Variants in NEK11 observed in about 807,000 individuals in gnomAD.
The protein encoded by NEK11 is NIMA related kinase 11.
In NEK11, 72 loss-of-function variants were observed where a neutral mutation model predicts 80.7. The observed-to-expected ratio is 0.89, with a 90% CI of 0.74 to 1.08. The LOEUF is 1.08. Among genes scored for constraint, NEK11 ranks in the 50% least tolerant of loss-of-function variants. The pLI is 0.00. For missense variants in NEK11, 764 were observed against 763.6 expected, an observed-to-expected ratio of 1.00 and a Z score of -0.01; for synonymous variants, 251 against 260.7, an observed-to-expected ratio of 0.96 and a Z score of 0.36.
At chr3:131,300,364 G>A (rs1175686461) in intron 17 of NEK11, among the ~76,000 whole-genome samples, 2 of 152,108 alleles carry the variant, frequency 1.3e-5, no homozygotes, top group Non-Finnish European at 2.9e-5. Context: ...CTTTTGATGT[G>A]CAGAAGCTCT....
chr3:131,106,544 G>T (rs1366731899), intron 4 of NEK11, among the ~76,000 whole-genome samples: 3 of 152,026 alleles, frequency 2.0e-5, no homozygotes, highest in Non-Finnish European at 2.9e-5. Flanking sequence ...TTGTGCATCT[G>T]TATTATACTA....
At chr3:131,027,136 C>T (rs1220029568) in intron 1 of NEK11, 130 bp downstream of exon 1, 1 of 152,284 alleles carries the variant, frequency 6.6e-6, no homozygotes, top group Non-Finnish European at 1.5e-5. Flanking sequence ...CTTTCCTGGA[C>T]ATCTTACCTC....
chr3:131,267,516 C>T (rs752248462), intron 16 of NEK11, among the ~76,000 whole-genome samples: 12 of 152,250 alleles, frequency 7.9e-5, no homozygotes, highest in Non-Finnish European at 1.3e-4. Flanking sequence ...GAATATTGGC[C>T]CCCACTCTCT....
intron 17 of NEK11, chr3:131,325,933 T>C (rs1160426367): frequency 2.0e-5 from 3 of 152,236 alleles, no homozygotes; most frequent in African/African-American, 7.2e-5. Context: ...AGCAGTTTAC[T>C]CTGCAAATAA....
chr3:131,307,531 A>G (rs1254093298), intron 17 of NEK11, among the ~76,000 whole-genome samples: 2 of 152,234 alleles, frequency 1.3e-5, no homozygotes, highest in Non-Finnish European at 2.9e-5. Context: ...AAAATGCAAT[A>G]TATAGTAAGG....
chr3:131,336,152 C>T lies in NEK11; in HGVS notation c.1719-13405C>T, dbSNP rs570677042. On this transcript the variant is annotated intron_variant, in intron 17 of 17. Coordinates refer to ENST00000383366, the MANE Select transcript of NEK11 (RefSeq NM_024800.5). The stretch of plus-strand genomic sequence containing the variant: ...TCATATGGAACCAAAAAAGAGCCCG[C>T]ATCACCAAGTCAATCCTAAGCCAAA... 3.3e-5 allele frequency among the ~76,000 whole-genome samples: 5 copies of T among 152,260 alleles called. No individual in the cohort carries two copies. The South Asian group carries it at 6.2e-4, about 19-fold the overall frequency.
At chr3:131,033,564 C>T (rs1041314961) in intron 3 of NEK11, among the ~76,000 whole-genome samples, 1 of 152,158 alleles carries the variant, frequency 6.6e-6, no homozygotes, top group African/African-American at 2.4e-5. Context: ...TCATTATATA[C>T]ATTTCTATAT....
chr3:131,059,276 A>G (rs1472059150), intron 3 of NEK11, among the ~76,000 whole-genome samples: 3 of 152,180 alleles, frequency 2.0e-5, no homozygotes, highest in Non-Finnish European at 4.4e-5. Flanking sequence ...GTGTATGCAT[A>G]TGCCCAAACC....
At chr3:131,228,731 TA>T (rs2095267726) in intron 15 of NEK11, 43 bp downstream of exon 15, 1 of 1,569,630 alleles carries the variant, frequency 6.4e-7, no homozygotes, top group East Asian at 2.3e-5. Flanking sequence ...CTGTTCAAGG[TA>T]CTGATTGGAC....
chr3:131,220,267 AT>A (rs899620627), intron 14 of NEK11, among the ~76,000 whole-genome samples: 6 of 152,170 alleles, frequency 3.9e-5, no homozygotes, highest in African/African-American at 7.2e-5. Context: ...GTAAAAAAAA[AT>A]CTTATGGTTT....
intron 10 of NEK11, among the ~76,000 whole-genome samples, chr3:131,159,085 C>G (rs2091170046): frequency 6.6e-6 from 1 of 152,190 alleles, no homozygotes; most frequent in Non-Finnish European, 1.5e-5. Flanking sequence ...CACCTTATAA[C>G]ACAATCAAAC....
chr3:131,269,373 C>T (rs149718512), intron 16 of NEK11, among the ~76,000 whole-genome samples: 72 of 152,314 alleles, frequency 4.7e-4, no homozygotes, highest in African/African-American at 1.6e-3. Flanking sequence ...CAGTTTTGTG[C>T]TTGAAACCCA....
intron 14 of NEK11, chr3:131,184,669 T>C: frequency 1.4e-6 from 1 of 729,550 alleles, no homozygotes; most frequent in Non-Finnish European, 2.0e-6. Flanking sequence ...GCATCACTGT[T>C]CATCTATAAA....
At chr3:131,029,537 T>C (rs2064472096) in intron 2 of NEK11, 76 bp from the exon 3 acceptor site, 1 of 566,660 alleles carries the variant, frequency 1.8e-6, no homozygotes, top group Non-Finnish European at 3.1e-6. Context: ...GGTGCAGATA[T>C]CACTGCACTT....
intron 17 of NEK11, among the ~76,000 whole-genome samples, chr3:131,322,160 TA>T (rs1202692278): frequency 6.6e-6 from 1 of 152,114 alleles, no homozygotes; most frequent in African/African-American, 2.4e-5. Flanking sequence ...GCTGCAGCCA[TA>T]AAAAAGAATG....
chr3:131,105,903 T>G (rs573868053), intron 4 of NEK11, among the ~76,000 whole-genome samples: 1 of 152,226 alleles, frequency 6.6e-6, no homozygotes, highest in Non-Finnish European at 1.5e-5. Context: ...AATTATTCTC[T>G]TTTTGTTTTA....
intron 14 of NEK11, chr3:131,184,756 A>G (rs2150210307): frequency 3.3e-6 from 4 of 1,215,344 alleles, no homozygotes; most frequent in African/African-American, 1.6e-5. Flanking sequence ...AAATAAAGGA[A>G]TTTCTGAAAT....
chr3:131,148,424 C>A (rs1362513084), intron 7 of NEK11, among the ~76,000 whole-genome samples: 1 of 151,804 alleles, frequency 6.6e-6, no homozygotes, highest in East Asian at 1.9e-4. Flanking sequence ...TTATTTATTT[C>A]TTAAATATTT....
intron 16 of NEK11, among the ~76,000 whole-genome samples, chr3:131,252,735 A>G (rs1022733683): frequency 1.3e-5 from 2 of 152,124 alleles, no homozygotes; most frequent in Non-Finnish European, 1.5e-5. Context: ...TATGTGTCCA[A>G]GAATTTGTAT....
Sources: gnomAD v4.1 joint callset for allele counts (sites outside exome capture counted in the v4.1 genomes callset) on GRCh38, gnomAD v4.1.1 for gene constraint, MANE v1.5 for transcripts, NCBI Gene and HGNC (gene_info 2026-07-23, HGNC 2026-07-21) for gene names.